Variants in RPS6KC1 observed in about 807,000 individuals in gnomAD.
RPS6KC1 encodes the protein inactive ribosomal protein S6 kinase delta-1.
In RPS6KC1, 54 loss-of-function variants were observed where a neutral mutation model predicts 103.8. That is an observed-to-expected ratio of 0.52 (90% confidence interval 0.42 to 0.65). RPS6KC1 has a LOEUF of 0.65. RPS6KC1 is among the 30% of genes least tolerant of loss of function. The pLI is 0.00. For synonymous variants in RPS6KC1, 439 were observed against 438.7 expected, an observed-to-expected ratio of 1.00 and a Z score of -0.01; for missense variants, 1,151 against 1,253.8, an observed-to-expected ratio of 0.92 and a Z score of 1.24.
In RPS6KC1 at chr1:213,242,192, A is replaced by T; in HGVS notation, c.2716A>T (p.Ile906Phe). 1 of 1,614,004 alleles carries T rather than the reference A, an allele frequency of 6.2e-7. No homozygotes were observed. Among genetic ancestry groups the T allele is most frequent in the Non-Finnish European group, 8.5e-7 (1 of 1,179,908 alleles). ...CAGGTTTTACATCCCAGAGGGCTGC[A>T]TTCAAAGATGGGCAGCTGAAATGGT... ...ASRFYIPEGC[I>F]QRWAAEMVVA... Residue 906 changes from isoleucine (I) to phenylalanine (F), a missense_variant, in exon 11 of 15, where the codon ATT becomes TTT. Transcript: ENST00000366960.
chr1:213,129,993 G>C (rs1432631752), intron 6 of RPS6KC1, 104 bp downstream of exon 6: 2 of 1,129,902 alleles, frequency 1.8e-6, no homozygotes, highest in Non-Finnish European at 1.2e-6. Context: ...AAATAATACT[G>C]AAAATGAGAA....
In RPS6KC1 at chr1:213,149,062, T is replaced by C. The variant is rs533308975; in HGVS notation, c.836-18796T>C. On this transcript the variant is annotated intron_variant, in intron 6 of 14. Coordinates refer to ENST00000366960, the MANE Select transcript of RPS6KC1 (RefSeq NM_012424.6). ...CTGATTTTATTTATTTGTATATTCT[T>C]TTTTTTTCTTAGTTTGGCTAAAGGT... Among the ~76,000 whole-genome samples the C allele has an allele frequency of 2.6e-5, 4 of 152,192 alleles. No individual in the cohort carries two copies. The East Asian group carries it at 7.7e-4, about 29-fold the overall frequency.
chr1:213,535,915 TG>T, the RPS6KC1 span, among the ~76,000 whole-genome samples: 1 of 151,468 alleles, frequency 6.6e-6, no homozygotes, highest in African/African-American at 2.4e-5. Flanking sequence ...GAGCTGGGGG[TG>T]GGGTGATAAG....
the RPS6KC1 span, among the ~76,000 whole-genome samples, chr1:213,295,527 A>G: frequency 1.4e-4 from 21 of 152,360 alleles, no homozygotes; most frequent in African/African-American, 4.1e-4. Flanking sequence ...TATTGGATAT[A>G]GTTTTGGAAA....
intron 1 of RPS6KC1, 114 bp from the exon 2 acceptor site, chr1:213,070,892 A>AT (rs2078805791): frequency 1.5e-6 from 1 of 660,366 alleles, no homozygotes. Context: ...TATAGTGTTT[A>AT]TTTTTTTAAG....
At chr1:213,768,199 G>A in the RPS6KC1 span, among the ~76,000 whole-genome samples, 1 of 152,134 alleles carries the variant, frequency 6.6e-6, no homozygotes, top group African/African-American at 2.4e-5. Flanking sequence ...TGATCCAGCG[G>A]GGACTCAGTG....
downstream of RPS6KC1, among the ~76,000 whole-genome samples, chr1:213,275,347 CTAT>C (rs562365526): frequency 6.6e-5 from 10 of 152,158 alleles, no homozygotes; most frequent in Non-Finnish European, 1.5e-4. Context: ...ATATCATTCA[CTAT>C]TATTCTACCA....
At chr1:213,052,561 A>G (rs1047719632) in intron 1 of RPS6KC1, among the ~76,000 whole-genome samples, 2 of 151,320 alleles carry the variant, frequency 1.3e-5, no homozygotes, top group African/African-American at 4.9e-5. Flanking sequence ...TTTTTTTGAG[A>G]CGGAGTTTCG....
chr1:213,498,376 C>T, the RPS6KC1 span, among the ~76,000 whole-genome samples: 1 of 152,144 alleles, frequency 6.6e-6, no homozygotes, highest in South Asian at 2.1e-4. Context: ...CACAATAGTT[C>T]AGATAAAAAG....
chr1:213,529,564 T>C, the RPS6KC1 span, among the ~76,000 whole-genome samples: 1 of 152,226 alleles, frequency 6.6e-6, no homozygotes, highest in Non-Finnish European at 1.5e-5. Context: ...ATTTGTAACA[T>C]GCTTAGATAT....
the RPS6KC1 span, among the ~76,000 whole-genome samples, chr1:213,348,685 G>A: frequency 1.3e-5 from 2 of 152,266 alleles, no homozygotes; most frequent in South Asian, 2.1e-4. Flanking sequence ...ATTCCTACAA[G>A]TTGCAGCTGA....
chr1:213,309,268 C>T, the RPS6KC1 span, among the ~76,000 whole-genome samples: 2 of 152,160 alleles, frequency 1.3e-5, no homozygotes. Context: ...GCACTCCAGC[C>T]TGGGTGACAG....
At chr1:213,773,985 T>C in the RPS6KC1 span, among the ~76,000 whole-genome samples, 1 of 152,226 alleles carries the variant, frequency 6.6e-6, no homozygotes, top group Non-Finnish European at 1.5e-5. Flanking sequence ...GTAAAGCATT[T>C]CTAAGCCACT....
chr1:213,074,981 T>C (rs888247282), intron 2 of RPS6KC1, among the ~76,000 whole-genome samples: 2 of 149,616 alleles, frequency 1.3e-5, no homozygotes, highest in African/African-American at 4.9e-5. Flanking sequence ...GCCTCCCTAG[T>C]GCTGGGACTT....
At chr1:213,807,292 C>T in the RPS6KC1 span, among the ~76,000 whole-genome samples, 4 of 152,198 alleles carry the variant, frequency 2.6e-5, no homozygotes, top group South Asian at 2.1e-4. Context: ...ATGTTTGTGG[C>T]GTTCTCTGTA....
chr1:213,398,728 T>C, the RPS6KC1 span, among the ~76,000 whole-genome samples: 2 of 152,218 alleles, frequency 1.3e-5, no homozygotes, highest in African/African-American at 2.4e-5. Flanking sequence ...TTATTTATAA[T>C]TCACCCTTGG....
chr1:213,303,638 G>C, the RPS6KC1 span, among the ~76,000 whole-genome samples: 2 of 152,106 alleles, frequency 1.3e-5, no homozygotes, highest in Admixed American at 6.6e-5. Context: ...AAACCCCAGA[G>C]AGTCCAGCAC....
At chr1:213,768,357 TC>T in the RPS6KC1 span, among the ~76,000 whole-genome samples, 3 of 151,802 alleles carry the variant, frequency 2.0e-5, no homozygotes, top group African/African-American at 7.3e-5. Flanking sequence ...TTTCCCCTAC[TC>T]CTATGTCCAC....
chr1:213,290,874 G>A, the RPS6KC1 span, among the ~76,000 whole-genome samples: 1 of 152,102 alleles, frequency 6.6e-6, no homozygotes, highest in Non-Finnish European at 1.5e-5. Flanking sequence ...ATCCTGTTAG[G>A]CAGCGTAGAT....
Sources: gnomAD v4.1 joint callset for allele counts (sites outside exome capture counted in the v4.1 genomes callset) on GRCh38, gnomAD v4.1.1 for gene constraint, MANE v1.5 for transcripts, NCBI Gene and HGNC (gene_info 2026-07-23, HGNC 2026-07-21) for gene names.